Variants in HAUS8 observed in about 807,000 individuals in gnomAD.
The protein encoded by HAUS8 is HAUS augmin like complex subunit 8.
HAUS8 carries 38 observed loss-of-function variants against 42.9 expected under a neutral mutation model. That is an observed-to-expected ratio of 0.89 (90% CI 0.68 to 1.16). HAUS8 has a LOEUF of 1.16. Ranked by LOEUF, HAUS8 falls within the 50% of genes most tolerant of loss-of-function variation. The pLI, the probability that HAUS8 is intolerant of heterozygous loss-of-function variation, is 0.00. For missense variants in HAUS8, 494 were observed against 511.6 expected, an observed-to-expected ratio of 0.97 and a Z score of 0.33; for synonymous variants, 199 against 205.8, an observed-to-expected ratio of 0.97 and a Z score of 0.28.
chr19:17,075,325 A>T, intron 1 of HAUS8, 69 bp downstream of exon 1: 1 of 1,565,738 alleles, frequency 6.4e-7, no homozygotes, highest in Non-Finnish European at 8.8e-7. Flanking sequence ...CTAACTCCCC[A>T]CCTCCGCTGC....
chr19:17,070,056 G>A (rs949347066), intron 2 of HAUS8, among the ~76,000 whole-genome samples: 1 of 151,768 alleles, frequency 6.6e-6, no homozygotes, highest in Non-Finnish European at 1.5e-5. Context: ...ACCAGATGCT[G>A]GAGGTCATTC....
chr19:17,075,472 AC>A (rs769799871), upstream of HAUS8: 28 of 1,605,972 alleles, frequency 1.7e-5, no homozygotes, highest in African/African-American at 3.1e-4. Flanking sequence ...TCAAAGCCGG[AC>A]CCGCCCCCTT....
At chr19:17,072,091 T>C (rs1403054751) in intron 2 of HAUS8, among the ~76,000 whole-genome samples, 2 of 152,234 alleles carry the variant, frequency 1.3e-5, no homozygotes, top group African/African-American at 2.4e-5. Flanking sequence ...ATAAATATTA[T>C]AGCTGTTATA....
chr19:17,052,989 G>A (rs570915551), intron 9 of HAUS8, 23 bp from the exon 10 acceptor site: 1 of 1,614,014 alleles, frequency 6.2e-7, no homozygotes. Flanking sequence ...AGGGATGGTG[G>A]GCGATGGATG....
rs2057340142 is a variant in HAUS8 at position 17,058,609 on chromosome 19, C to T, written c.585G>A (p.Leu195=). ...KEKLQKKAHE[L]KRRLLLSQRK... ...TCTGAGAGAGGAGAAGCCTGCGCTT[C>T]AGCTCGTGGGCCTTTTTCTGTAGCT... The change falls in exon 8 of 11, where the codon CTG becomes CTA. Residue 195 remains leucine (L), a synonymous_variant. Transcript: ENST00000253669. 1.2e-6 allele frequency: 2 copies of T among 1,613,642 alleles called. No individual in the cohort carries two copies. The highest frequency in any genetic ancestry group is 1.3e-5 in the African/African-American group (1 of 74,986).
chr19:17,073,639 G>C (rs1322314327), intron 1 of HAUS8: 2 of 406,022 alleles, frequency 4.9e-6, no homozygotes. Context: ...ACCAGACATT[G>C]ATGCACCTAC....
intron 3 of HAUS8, among the ~76,000 whole-genome samples, chr19:17,065,996 TCTCA>T (rs1568640131): frequency 6.7e-6 from 1 of 149,574 alleles, no homozygotes; most frequent in Non-Finnish European, 1.5e-5. Context: ...AGAGACAGGA[TCTCA>T]CTGTCACTCA....
At chr19:17,060,557 C>T (rs1158456204) in intron 4 of HAUS8, among the ~76,000 whole-genome samples, 3 of 152,138 alleles carry the variant, frequency 2.0e-5, no homozygotes, top group Non-Finnish European at 2.9e-5. Context: ...TACAGGCACT[C>T]GCCACCATGC....
intron 9 of HAUS8, chr19:17,055,146 ATATATATATATAT>A: frequency 5.0e-4 from 2 of 3,994 alleles, no homozygotes; most frequent in Non-Finnish European, 8.1e-4. Flanking sequence ...AAAAAAAAAT[ATATATATATATAT>A]ATATATATAT....
rs764634358 is a variant in HAUS8, at chr19:17,049,915, T to C, written c.1191A>G (p.Glu397=). ...CTGAACGAGAGAGAGAGGGCGGGAC[T>C]TCTGCCTGGCTGCTTGAAGAAAAAT... is the stretch of plus-strand genomic sequence containing the variant. ...SEDFSSSSQA[E]VPPSLSRSGR... Residue 397 remains glutamate (E), a synonymous_variant, in exon 11 of 11, where the codon GAA becomes GAG. Transcript: ENST00000253669. The C allele has an allele frequency of 1.3e-6, 2 of 1,532,184 alleles. No homozygotes were observed. Among genetic ancestry groups the C allele is most frequent in the Non-Finnish European group, 1.8e-6 (2 of 1,138,102 alleles). 94.9% of individuals were successfully genotyped at this position (1,532,184 alleles called of 1,614,324 possible).
Position 17,069,023 on chromosome 19 carries a change from G to T in HAUS8, c.147+8C>A. 6.2e-7 allele frequency: 1 copy of T among 1,611,810 alleles called. No homozygotes were observed. The highest frequency in any genetic ancestry group is 8.5e-7 in the Non-Finnish European group (1 of 1,178,624). ...ACTGCTGCAAATGGAAGCTGGGTGC[G>T]GCCTTACCTTTTGGGTTGTCTTCTT... On this transcript the variant is annotated splice_region_variant and intron_variant, in intron 3 of 10. Transcript: ENST00000253669.
intron 9 of HAUS8, among the ~76,000 whole-genome samples, chr19:17,055,339 C>CAAAAAA (rs11315045): frequency 6.5e-4 from 32 of 49,494 alleles, no homozygotes; most frequent in African/African-American, 2.7e-3. Context: ...GATGCTGTCT[C>CAAAAAA]AAAAAAAAAA....
chr19:17,058,600 C>G lies in HAUS8; in HGVS notation c.594G>C (p.Arg198Ser). The G allele has an allele frequency of 6.2e-7, 1 of 1,613,262 alleles. No individual in the cohort carries two copies. Among genetic ancestry groups the G allele is most frequent in the Non-Finnish European group, 8.5e-7 (1 of 1,179,754 alleles). The stretch of plus-strand genomic sequence containing the variant: ...CCCGCTTCCTCTGAGAGAGGAGAAG[C>G]CTGCGCTTCAGCTCGTGGGCCTTTT... Reference protein sequence around the residue: ...LQKKAHELKRRLLLSQRKREL... With the variant: ...LQKKAHELKRSLLLSQRKREL... Residue 198 changes from arginine (R) to serine (S), a missense_variant, in exon 8 of 11, where the codon AGG becomes AGC. Physicochemically the swap from Arg to Ser is moderately radical, Grantham distance 110. Coordinates refer to ENST00000253669, the MANE Select transcript of HAUS8 (RefSeq NM_033417.2).
intron 4 of HAUS8, among the ~76,000 whole-genome samples, chr19:17,062,078 T>C (rs1302253684): frequency 1.3e-5 from 2 of 152,218 alleles, no homozygotes; most frequent in African/African-American, 2.4e-5. Flanking sequence ...CCTCTATGTC[T>C]GGTCTGGGGT....
At chr19:17,056,588 C>T (rs1334199927) in intron 8 of HAUS8, among the ~76,000 whole-genome samples, 2 of 152,022 alleles carry the variant, frequency 1.3e-5, no homozygotes, top group Admixed American at 6.6e-5. Context: ...CACACACACA[C>T]ACATACACAT....
chr19:17,061,979 C>T (rs1369480096), intron 4 of HAUS8, among the ~76,000 whole-genome samples: 1 of 152,244 alleles, frequency 6.6e-6, no homozygotes, highest in Admixed American at 6.5e-5. Flanking sequence ...AACATCTACA[C>T]CAGGAGTGGC....
At chr19:17,067,215 A>AG (rs2057392254) in intron 3 of HAUS8, among the ~76,000 whole-genome samples, 1 of 151,644 alleles carries the variant, frequency 6.6e-6, no homozygotes, top group South Asian at 2.1e-4. Context: ...AAAAAAAAAA[A>AG]AAAAAGGAAG....
chr19:17,051,385 A>G (rs2057286269), intron 10 of HAUS8, among the ~76,000 whole-genome samples: 1 of 67,640 alleles, frequency 1.5e-5, no homozygotes, highest in South Asian at 6.8e-4. Context: ...CTCCTGGGGG[A>G]GGTTAAAAAA....
chr19:17,072,601 A>C (rs548231889), intron 2 of HAUS8, among the ~76,000 whole-genome samples: 1 of 151,948 alleles, frequency 6.6e-6, no homozygotes, highest in East Asian at 1.9e-4. Context: ...TGGCGCCTCA[A>C]ACTGCTGGGA....
Sources: allele counts gnomAD v4.1 joint callset (sites outside exome capture counted in the v4.1 genomes callset), GRCh38; gene constraint gnomAD v4.1.1; transcripts MANE v1.5; gene names NCBI Gene and HGNC (gene_info 2026-07-23, HGNC 2026-07-21).